The following SHC3 variants were observed in gnomAD, a reference collection of about 807,000 sequenced individuals.
The protein encoded by SHC3 is SHC-transforming protein 3.
SHC3 carries 15 observed loss-of-function variants against 60.4 expected under a neutral mutation model. The ratio of observed to expected loss-of-function variants is 0.25; its 90% CI spans 0.17 to 0.38. SHC3 has a LOEUF of 0.38. Among genes scored for constraint, SHC3 ranks in the 10% least tolerant of loss-of-function variants. The pLI is 1.00. For synonymous variants in SHC3, 294 were observed against 325.9 expected, an observed-to-expected ratio of 0.90 and a Z score of 1.05; for missense variants, 677 against 786.1, an observed-to-expected ratio of 0.86 and a Z score of 1.66.
chr9:89,055,353 G>C (rs1262065156), intron 6 of SHC3, among the ~76,000 whole-genome samples: 1 of 152,232 alleles, frequency 6.6e-6, no homozygotes, highest in Non-Finnish European at 1.5e-5. Context: ...CTGGTGTGAG[G>C]CTTGTTCATC....
At chr9:89,015,720 G>T (rs569330392) in intron 11 of SHC3, among the ~76,000 whole-genome samples, 3 of 152,176 alleles carry the variant, frequency 2.0e-5, no homozygotes. Flanking sequence ...AAACCACTGG[G>T]CAGCCAGGAC....
intron 1 of SHC3, among the ~76,000 whole-genome samples, chr9:89,131,311 C>A (rs1826241370): frequency 6.6e-6 from 1 of 152,168 alleles, no homozygotes; most frequent in South Asian, 2.1e-4. Context: ...GGATTCACAG[C>A]CAAATTCTAC....
intron 2 of SHC3, chr9:89,109,552 C>G (rs544688243): frequency 3.0e-6 from 3 of 985,484 alleles, no homozygotes; most frequent in African/African-American, 1.7e-5. Context: ...TGAGTTTTGC[C>G]AAGCCTTCCA....
In SHC3 at chr9:89,012,653, A is replaced by G. The variant is rs1470230501; in HGVS notation, c.*794T>C. 1 of 152,218 alleles carries G rather than the reference A, an allele frequency of 6.6e-6. No individual in the cohort carries two copies. The highest frequency in any genetic ancestry group is 1.5e-5 in the Non-Finnish European group (1 of 68,042). 9.4% of individuals were successfully genotyped at this position (152,218 alleles called of 1,614,324 possible). A position where few individuals can be genotyped will look rare whatever the true frequency, so the allele number is the denominator to read the frequency against. On this transcript the variant is annotated 3_prime_UTR_variant, in exon 12 of 12. Coordinates refer to ENST00000375835, the MANE Select transcript of SHC3 (RefSeq NM_016848.6). Reference sequence around the variant, plus strand: ...CCCATTTTAGCATTAGATACATGAGAACAGGGAAGCACTTGTCAATCAAAA... The same window carrying G: ...CCCATTTTAGCATTAGATACATGAGGACAGGGAAGCACTTGTCAATCAAAA...
At chr9:89,019,136 A>T (rs952873837) in intron 11 of SHC3, among the ~76,000 whole-genome samples, 1 of 152,130 alleles carries the variant, frequency 6.6e-6, no homozygotes, top group Non-Finnish European at 1.5e-5. Context: ...GAACTCAAAG[A>T]TCAAGAACAA....
intron 2 of SHC3, among the ~76,000 whole-genome samples, chr9:89,081,794 C>G (rs780736931): frequency 3.3e-5 from 5 of 152,108 alleles, no homozygotes; most frequent in Admixed American, 2.0e-4. Context: ...CAGTAAAAAC[C>G]CTGACCTTCA....
chr9:89,042,222 G>A (rs904498374), intron 9 of SHC3, 38 bp from the exon 10 acceptor site: 3 of 1,487,528 alleles, frequency 2.0e-6, no homozygotes, highest in Admixed American at 2.5e-5. Flanking sequence ...TTTTACGATG[G>A]TGACACTATT....
chr9:89,089,515 T>C (rs1825586295), intron 2 of SHC3, among the ~76,000 whole-genome samples: 1 of 152,136 alleles, frequency 6.6e-6, no homozygotes, highest in Non-Finnish European at 1.5e-5. Context: ...AGCACTGCCC[T>C]TAGGCAAGGG....
At chr9:89,044,382 G>A (rs1217014199) in intron 9 of SHC3, among the ~76,000 whole-genome samples, 2 of 152,188 alleles carry the variant, frequency 1.3e-5, no homozygotes, top group African/African-American at 4.8e-5. Flanking sequence ...TGCATCTGGG[G>A]CAGGCGAGAC....
intron 1 of SHC3, among the ~76,000 whole-genome samples, chr9:89,170,044 T>A (rs1346724294): frequency 6.6e-6 from 1 of 152,058 alleles, no homozygotes; most frequent in Non-Finnish European, 1.5e-5. Flanking sequence ...GCTGCCAGTT[T>A]TTAGGGGCCT....
Position 89,112,381 on chromosome 9 carries a change from C to T in SHC3, c.545+175G>A, listed in dbSNP as rs532500358. 7.9e-5 allele frequency among the ~76,000 whole-genome samples: 12 copies of T among 152,294 alleles called. No individual in the cohort carries two copies. In the South Asian group the frequency reaches 2.5e-3, roughly 32 times the overall value. ...GGTACTTTGGTTGAGAGATATACATCACAAACATGGACTAACAAGCACATG... is the reference window on the plus strand; with the variant it reads ...GGTACTTTGGTTGAGAGATATACATTACAAACATGGACTAACAAGCACATG... On this transcript the variant is annotated intron_variant, in intron 2 of 11. Coordinates refer to ENST00000375835, the MANE Select transcript of SHC3 (RefSeq NM_016848.6).
At chr9:89,061,415 G>A (rs192062841) in intron 6 of SHC3, among the ~76,000 whole-genome samples, 78 of 152,268 alleles carry the variant, frequency 5.1e-4, no homozygotes, top group Non-Finnish European at 8.2e-4. Flanking sequence ...CACCATATTC[G>A]AGAAGCCCAG....
chr9:89,174,019 A>G (rs1383533758), intron 1 of SHC3, among the ~76,000 whole-genome samples: 2 of 152,290 alleles, frequency 1.3e-5, no homozygotes, highest in Admixed American at 6.5e-5. Flanking sequence ...CTACAATATT[A>G]TAGTAGAATT....
chr9:89,077,307 A>G (rs1423805744), intron 3 of SHC3, among the ~76,000 whole-genome samples: 1 of 152,274 alleles, frequency 6.6e-6, no homozygotes, highest in Non-Finnish European at 1.5e-5. Flanking sequence ...TGTATGGCAG[A>G]AACATTATAC....
chr9:89,113,711 C>T (rs1484575909), intron 1 of SHC3, among the ~76,000 whole-genome samples: 2 of 152,148 alleles, frequency 1.3e-5, no homozygotes, highest in African/African-American at 4.8e-5. Flanking sequence ...ATTACCATAC[C>T]TAACACCATT....
intron 11 of SHC3, among the ~76,000 whole-genome samples, chr9:89,026,254 CAAAAA>C (rs67891062): frequency 9.8e-6 from 1 of 102,152 alleles, no homozygotes; most frequent in African/African-American, 3.8e-5. Flanking sequence ...AACTACATCT[CAAAAA>C]AAAAAAAAAA....
At chr9:89,141,785 T>C (rs1283420184) in intron 1 of SHC3, among the ~76,000 whole-genome samples, 1 of 152,008 alleles carries the variant, frequency 6.6e-6, no homozygotes, top group Non-Finnish European at 1.5e-5. Flanking sequence ...CAGTTTCAAC[T>C]TGCGGTCACA....
chr9:89,116,462 T>C (rs755982536), intron 1 of SHC3, among the ~76,000 whole-genome samples: 2 of 152,158 alleles, frequency 1.3e-5, no homozygotes, highest in Non-Finnish European at 2.9e-5. Context: ...ATGGATACTG[T>C]GGCTAATGCC....
intron 1 of SHC3, 89 bp from the exon 2 acceptor site, chr9:89,112,715 T>C (rs1156406148): frequency 9.9e-6 from 11 of 1,114,480 alleles, no homozygotes; most frequent in African/African-American, 4.9e-5. Flanking sequence ...TTGGGAGCCA[T>C]ACACATTTCT....
Sources: allele counts gnomAD v4.1 joint callset (sites outside exome capture counted in the v4.1 genomes callset), GRCh38; gene constraint gnomAD v4.1.1; transcripts MANE v1.5; gene names NCBI Gene and HGNC (gene_info 2026-07-23, HGNC 2026-07-21).